Variants in MACROD1 observed in about 807,000 individuals in gnomAD.
The protein encoded by MACROD1 is mono-ADP ribosylhydrolase 1.
In MACROD1, 31 loss-of-function variants were observed where a neutral mutation model predicts 41.4. That is an observed-to-expected ratio of 0.75 (90% CI 0.56 to 1.01). The LOEUF (loss-of-function observed/expected upper bound fraction) is 1.01, where lower values mean the gene tolerates loss of function less well. MACROD1 is among the 50% of genes least tolerant of loss of function. The pLI is 0.00. For missense variants in MACROD1, 473 were observed against 460.0 expected, an observed-to-expected ratio of 1.03 and a Z score of -0.26; for synonymous variants, 252 against 203.4, an observed-to-expected ratio of 1.24 and a Z score of -2.03.
At chr11:64,016,970 C>G (rs2134343799) in intron 3 of MACROD1, among the ~76,000 whole-genome samples, 1 of 152,280 alleles carries the variant, frequency 6.6e-6, no homozygotes, top group South Asian at 2.1e-4. Context: ...TTCTTTCTTT[C>G]TTTCTTTCTT....
At chr11:64,097,128 C>A (rs1944590718) in intron 3 of MACROD1, among the ~76,000 whole-genome samples, 1 of 152,232 alleles carries the variant, frequency 6.6e-6, no homozygotes, top group Admixed American at 6.5e-5. Flanking sequence ...CTCAGCTGCA[C>A]TGTGAGGACG....
intron 1 of MACROD1, among the ~76,000 whole-genome samples, chr11:64,162,536 C>T (rs1214002744): frequency 6.6e-6 from 1 of 151,816 alleles, no homozygotes; most frequent in East Asian, 1.9e-4. Context: ...AAATTTTGGC[C>T]GGCCACAGTG....
At chr11:64,114,041 T>G (rs1389819053) in intron 3 of MACROD1, among the ~76,000 whole-genome samples, 1 of 149,098 alleles carries the variant, frequency 6.7e-6, no homozygotes, top group Non-Finnish European at 1.5e-5. Context: ...GACAGGTGGA[T>G]GCATGGGTTG....
chr11:64,117,862 G>C, intron 3 of MACROD1: 1 of 1,614,168 alleles, frequency 6.2e-7, no homozygotes, highest in Non-Finnish European at 8.5e-7. Flanking sequence ...ACAGCCGACA[G>C]CTATGGCCCT....
intron 3 of MACROD1, among the ~76,000 whole-genome samples, chr11:64,144,226 C>T (rs1213922778): frequency 6.6e-6 from 1 of 152,132 alleles, no homozygotes; most frequent in Non-Finnish European, 1.5e-5. Context: ...GCACCCCGTC[C>T]AACCCAAGCA....
intron 3 of MACROD1, among the ~76,000 whole-genome samples, chr11:64,132,340 G>A (rs1454947272): frequency 1.3e-5 from 2 of 150,974 alleles, no homozygotes; most frequent in African/African-American, 4.9e-5. Flanking sequence ...AAGACCAAGG[G>A]GAATCTTCTA....
chr11:64,108,617 G>A (rs1001765452), intron 3 of MACROD1, among the ~76,000 whole-genome samples: 1 of 152,232 alleles, frequency 6.6e-6, no homozygotes, highest in African/African-American at 2.4e-5. Context: ...TGCCTTGGTA[G>A]GGCTTCCTGT....
intron 4 of MACROD1, among the ~76,000 whole-genome samples, chr11:64,008,643 G>C (rs1350692570): frequency 4.6e-5 from 7 of 152,166 alleles, no homozygotes; most frequent in Admixed American, 2.0e-4. Flanking sequence ...TCTCTTGGGC[G>C]GTGTAGGAGA....
intron 3 of MACROD1, among the ~76,000 whole-genome samples, chr11:64,025,716 C>G (rs1290992955): frequency 8.6e-5 from 12 of 139,202 alleles, no homozygotes; most frequent in South Asian, 5.2e-4. Flanking sequence ...GGGCCCCCCC[C>G]GCTCCTTTTT....
At chr11:64,023,504 T>A (rs1590808895) in intron 3 of MACROD1, among the ~76,000 whole-genome samples, 1 of 151,922 alleles carries the variant, frequency 6.6e-6, no homozygotes, top group African/African-American at 2.4e-5. Flanking sequence ...GTGGGGGCGG[T>A]TCCTGGGGGC....
At chr11:64,117,694 C>T in intron 3 of MACROD1, 1 of 1,613,580 alleles carries the variant, frequency 6.2e-7, no homozygotes, top group Non-Finnish European at 8.5e-7. Context: ...CACAGCCCAG[C>T]CGTGGGCTCC....
chr11:64,100,522 C>T (rs1424301881), intron 3 of MACROD1, among the ~76,000 whole-genome samples: 1 of 152,220 alleles, frequency 6.6e-6, no homozygotes, highest in Non-Finnish European at 1.5e-5. Flanking sequence ...GGCATGGTCT[C>T]CACTCACTCG....
At position 64,005,022 on chromosome 11, in the gene MACROD1, C is replaced by CTTTATTTATTTATGTATTTA. The variant is rs528633683; in HGVS notation, c.548-4680_548-4679insTAAATACATAAATAAATAAA. Among the ~76,000 whole-genome samples, 19 of 147,574 alleles carry CTTTATTTATTTATGTATTTA rather than the reference C, an allele frequency of 1.3e-4. 1 individual carries two copies. Among genetic ancestry groups the CTTTATTTATTTATGTATTTA allele is most frequent in the African/African-American group, 4.5e-4 (18 of 39,732 alleles). Reference sequence around the variant, plus strand: ...GAGGAGGAGCAGAAACTAAGATCCACTTTATTTATTTATTTATTTATTTAT... The same window carrying CTTTATTTATTTATGTATTTA: ...GAGGAGGAGCAGAAACTAAGATCCACTTTATTTATTTATGTATTTATTTATTTATTTATTTATTTATTTAT... On this transcript the variant is annotated intron_variant, in intron 4 of 10. Coordinates refer to ENST00000255681, the MANE Select transcript of MACROD1 (RefSeq NM_014067.4).
In MACROD1 at chr11:64,122,727, G is replaced by A. The variant is rs987228617; in HGVS notation, c.517+28512C>T. On this transcript the variant is annotated intron_variant, in intron 3 of 10. Transcript: ENST00000255681. The surrounding 1 kb of genome is among the most constrained non-coding windows in gnomAD (Gnocchi z 4.0). ...AGGAAACTGGTGCTCCAGAGGCCAA[G>A]TGGGGGCCCTTCCCCGCTGCTGGTG... Among the ~76,000 whole-genome samples, 1 of 152,228 alleles carries A rather than the reference G, an allele frequency of 6.6e-6. No individual in the cohort carries two copies. The highest frequency in any genetic ancestry group is 1.5e-5 in the Non-Finnish European group (1 of 68,044).
intron 3 of MACROD1, among the ~76,000 whole-genome samples, chr11:64,127,721 G>C (rs2134649384): frequency 6.6e-6 from 1 of 152,276 alleles, no homozygotes; most frequent in East Asian, 1.9e-4. Flanking sequence ...AGGAGCTATG[G>C]GTTATCCTGG....
At chr11:64,052,864 C>G (rs977355559) in intron 3 of MACROD1, among the ~76,000 whole-genome samples, 11 of 152,168 alleles carry the variant, frequency 7.2e-5, no homozygotes, top group African/African-American at 2.4e-4. Flanking sequence ...TTTAATTATG[C>G]CCCTGCCAGA....
intron 9 of MACROD1, 41 bp from the exon 10 acceptor site, chr11:63,998,913 A>G (rs1942763026): frequency 6.3e-7 from 1 of 1,591,946 alleles, no homozygotes. Context: ...CCCAGGGTGG[A>G]CCGGGGCAGG....
chr11:64,080,358 T>C (rs142058562), intron 3 of MACROD1, among the ~76,000 whole-genome samples: 50 of 152,328 alleles, frequency 3.3e-4, no homozygotes, highest in African/African-American at 1.2e-3. Context: ...CTTTAAACAT[T>C]GAGATATAAC....
intron 3 of MACROD1, among the ~76,000 whole-genome samples, chr11:64,057,117 C>T (rs898914989): frequency 2.6e-5 from 4 of 152,214 alleles, no homozygotes; most frequent in African/African-American, 7.2e-5. Context: ...GTGTGTTCAT[C>T]GGCTCCCTAA....
Sources: allele counts gnomAD v4.1 joint callset (sites outside exome capture counted in the v4.1 genomes callset), GRCh38; gene constraint gnomAD v4.1.1; non-coding constraint Gnocchi (gnomAD v3.1); transcripts MANE v1.5; gene names NCBI Gene and HGNC (gene_info 2026-07-23, HGNC 2026-07-21).